The following ST3GAL3 variants were observed in gnomAD, a reference collection of about 807,000 sequenced individuals.
ST3GAL3 encodes CMP-N-acetylneuraminate-beta-1,4-galactoside alpha-2,3-sialyltransferase.
ST3GAL3 carries 21 observed loss-of-function variants against 50.1 expected under a neutral mutation model. The ratio of observed to expected loss-of-function variants is 0.42; its 90% CI spans 0.30 to 0.60. ST3GAL3 has a LOEUF of 0.60. ST3GAL3 is among the 20% of genes least tolerant of loss of function. The pLI, the probability that ST3GAL3 is intolerant of heterozygous loss-of-function variation, is 0.19. For synonymous variants in ST3GAL3, 183 were observed against 190.0 expected (o/e 0.96, Z 0.30); for missense variants, 353 against 489.4 (o/e 0.72, Z 2.63).
At chr1:43,723,858 C>T (rs532426673) in intron 1 of ST3GAL3, among the ~76,000 whole-genome samples, 18 of 151,288 alleles carry the variant, frequency 1.2e-4, no homozygotes, top group Admixed American at 8.5e-4. Flanking sequence ...GTGATCTGCC[C>T]GCCTCGGCCT....
intron 5 of ST3GAL3, among the ~76,000 whole-genome samples, chr1:43,862,459 A>G (rs2070231355): frequency 6.6e-6 from 1 of 152,072 alleles, no homozygotes; most frequent in African/African-American, 2.4e-5. Context: ...CCTTTATCCT[A>G]TCACCACACT....
chr1:43,715,897 T>C (rs189914581), intron 1 of ST3GAL3, among the ~76,000 whole-genome samples: 16 of 152,316 alleles, frequency 1.1e-4, no homozygotes, highest in Admixed American at 9.8e-4. Context: ...CATAAGAGAA[T>C]GAGAGTGAAC....
intron 7 of ST3GAL3, among the ~76,000 whole-genome samples, chr1:43,898,827 C>T (rs1370794495): frequency 1.3e-5 from 2 of 152,158 alleles, no homozygotes; most frequent in African/African-American, 2.4e-5. Flanking sequence ...TCCCCTGAAG[C>T]CTGCCTAAAC....
chr1:43,720,932 G>C (rs570735202), intron 1 of ST3GAL3, among the ~76,000 whole-genome samples: 1 of 152,252 alleles, frequency 6.6e-6, no homozygotes, highest in South Asian at 2.1e-4. Flanking sequence ...GGATGAAATA[G>C]TATTCAGCAA....
intron 9 of ST3GAL3, chr1:43,913,753 T>C (rs2081327563): frequency 6.6e-6 from 1 of 152,178 alleles, no homozygotes; most frequent in Non-Finnish European, 1.5e-5. Flanking sequence ...AGTTCTCCAG[T>C]GCAGGGCTCC....
intron 3 of ST3GAL3, chr1:43,801,637 T>C (rs1280564055): frequency 4.0e-6 from 1 of 248,878 alleles, no homozygotes; most frequent in Non-Finnish European, 8.2e-6. Flanking sequence ...TTGTGATTTT[T>C]TTTTTTTTTT....
At chr1:43,775,569 T>C (rs1696896053) in intron 2 of ST3GAL3, among the ~76,000 whole-genome samples, 2 of 152,300 alleles carry the variant, frequency 1.3e-5, no homozygotes, top group East Asian at 1.9e-4. Context: ...TCCTGACTTA[T>C]AAATGTTAAC....
At chr1:43,790,610 T>C (rs1034608931) in intron 2 of ST3GAL3, among the ~76,000 whole-genome samples, 4 of 150,752 alleles carry the variant, frequency 2.7e-5, no homozygotes, top group Non-Finnish European at 5.9e-5. Context: ...GAATATACAA[T>C]CTTCAACATC....
chr1:43,711,374 C>T (rs139886999), intron 1 of ST3GAL3, among the ~76,000 whole-genome samples: 295 of 152,372 alleles, frequency 1.9e-3, no homozygotes, highest in Non-Finnish European at 3.0e-3. Flanking sequence ...ATGGCACATG[C>T]CACTTTCATT....
chr1:43,917,959 C>T (rs1196161569), intron 9 of ST3GAL3, among the ~76,000 whole-genome samples: 23 of 151,408 alleles, frequency 1.5e-4, no homozygotes, highest in Admixed American at 6.0e-4. Flanking sequence ...TGAACCACCA[C>T]GCCCAGCCTT....
intron 1 of ST3GAL3, among the ~76,000 whole-genome samples, chr1:43,718,370 T>A (rs1668531902): frequency 1.3e-5 from 2 of 151,130 alleles, no homozygotes; most frequent in South Asian, 4.2e-4. Context: ...TTTGTATTTT[T>A]AGTAGAGATG....
chr1:43,886,273 C>T (rs761057019), intron 5 of ST3GAL3, among the ~76,000 whole-genome samples: 3 of 152,102 alleles, frequency 2.0e-5, no homozygotes, highest in African/African-American at 4.8e-5. Flanking sequence ...TCCAGCTACT[C>T]GTGAGGCTGA....
intron 3 of ST3GAL3, chr1:43,801,251 A>G (rs1396556265): frequency 2.2e-6 from 1 of 456,300 alleles, no homozygotes; most frequent in South Asian, 1.5e-5. Context: ...CATCAGTAGC[A>G]GTCATTTAAT....
At chr1:43,902,606 C>T (rs1175716425) in intron 9 of ST3GAL3, among the ~76,000 whole-genome samples, 3 of 152,210 alleles carry the variant, frequency 2.0e-5, no homozygotes, top group South Asian at 2.1e-4. Flanking sequence ...TCCCAGGAGC[C>T]GTGGCCAAGC....
chr1:43,856,498 T>C (rs113758671), intron 5 of ST3GAL3, among the ~76,000 whole-genome samples: 2,373 of 152,298 alleles, frequency 0.016, 67 homozygotes, highest in African/African-American at 0.054. Flanking sequence ...GTTTGGAGAA[T>C]GTTTTAAATA....
At chr1:43,829,709 T>C (rs2063278472) in intron 4 of ST3GAL3, among the ~76,000 whole-genome samples, 1 of 152,196 alleles carries the variant, frequency 6.6e-6, no homozygotes, top group Non-Finnish European at 1.5e-5. Context: ...TCTCTTTTCT[T>C]GACAGTACCT....
At chr1:43,906,756 G>A (rs1333639715) in intron 9 of ST3GAL3, among the ~76,000 whole-genome samples, 1 of 151,972 alleles carries the variant, frequency 6.6e-6, no homozygotes, top group Non-Finnish European at 1.5e-5. Flanking sequence ...CATTATAGCT[G>A]TCACTTATTA....
intron 9 of ST3GAL3, chr1:43,911,302 C>T (rs1245035276): frequency 1.3e-5 from 2 of 151,600 alleles, no homozygotes; most frequent in Admixed American, 6.6e-5. Context: ...ACCCACCACA[C>T]CTGACTAATA....
intron 2 of ST3GAL3, among the ~76,000 whole-genome samples, chr1:43,746,810 T>A (rs1288721225): frequency 6.7e-6 from 1 of 149,122 alleles, no homozygotes. Context: ...TCACCCAGGT[T>A]GGAGTGCAGT....
Sources: gnomAD v4.1 joint callset for allele counts (sites outside exome capture counted in the v4.1 genomes callset) on GRCh38, gnomAD v4.1.1 for gene constraint, MANE v1.5 for transcripts, NCBI Gene and HGNC (gene_info 2026-07-23, HGNC 2026-07-21) for gene names.